Variants in FMN1 observed in about 807,000 individuals in gnomAD.
FMN1 encodes the protein formin 1, also known as formin-1.
A neutral mutation model predicts 132.4 loss-of-function variants in FMN1; 110 were observed. The observed-to-expected ratio is 0.83, with a 90% CI of 0.71 to 0.97. The LOEUF is 0.97. Among genes scored for constraint, FMN1 ranks in the 50% least tolerant of loss-of-function variants. The probability of loss-of-function intolerance (pLI) is 0.00; values close to 1 mark genes in which losing one functional copy is unlikely to be tolerated. For synonymous variants in FMN1, 722 were observed against 651.7 expected (o/e 1.11, Z -1.64); for missense variants, 1,792 against 1,705.3 (o/e 1.05, Z -0.90).
At chr15:32,975,960 G>A (rs2032168994) in intron 7 of FMN1, among the ~76,000 whole-genome samples, 1 of 152,092 alleles carries the variant, frequency 6.6e-6, no homozygotes, top group Non-Finnish European at 1.5e-5. Flanking sequence ...AGCAACAGAG[G>A]AGACTTTTGC....
intron 6 of FMN1, among the ~76,000 whole-genome samples, chr15:33,041,720 A>T (rs1019884002): frequency 1.3e-5 from 2 of 152,146 alleles, no homozygotes; most frequent in Non-Finnish European, 2.9e-5. Flanking sequence ...AGTGTTGTCA[A>T]GGATATGAAA....
chr15:33,089,061 C>G, intron 4 of FMN1, 87 bp from the exon 5 acceptor site: 2 of 1,017,980 alleles, frequency 2.0e-6, no homozygotes, highest in South Asian at 1.8e-5. Flanking sequence ...CCTACATAGA[C>G]TTCTCTATGC....
chr15:32,981,229 C>A (rs554109452), intron 7 of FMN1, among the ~76,000 whole-genome samples: 1 of 151,994 alleles, frequency 6.6e-6, no homozygotes, highest in East Asian at 1.9e-4. Flanking sequence ...CGGTGGCTCA[C>A]GCCTGTAATC....
At chr15:32,869,149 G>C (rs2059458535) in intron 16 of FMN1, among the ~76,000 whole-genome samples, 1 of 152,212 alleles carries the variant, frequency 6.6e-6, no homozygotes, top group Non-Finnish European at 1.5e-5. Context: ...CCATTTGAAT[G>C]AGTTAAGTGG....
At chr15:33,060,748 G>A (rs568706479) in intron 6 of FMN1, among the ~76,000 whole-genome samples, 83 of 152,340 alleles carry the variant, frequency 5.4e-4, no homozygotes, top group Admixed American at 1.4e-3. Flanking sequence ...GATGCACATT[G>A]AGAGAGAAAC....
chr15:33,021,252 C>T (rs994649088), intron 6 of FMN1, among the ~76,000 whole-genome samples: 2 of 151,838 alleles, frequency 1.3e-5, no homozygotes, highest in African/African-American at 4.8e-5. Context: ...GACCTTTACA[C>T]CTATGCTAAC....
chr15:33,028,547 A>G (rs1472047602), intron 6 of FMN1, among the ~76,000 whole-genome samples: 5 of 152,064 alleles, frequency 3.3e-5, no homozygotes, highest in Non-Finnish European at 7.4e-5. Flanking sequence ...ATAAATAAAT[A>G]AATAAAAATT....
intron 16 of FMN1, among the ~76,000 whole-genome samples, chr15:32,873,935 C>T (rs1367389792): frequency 1.3e-5 from 2 of 151,810 alleles, no homozygotes; most frequent in Admixed American, 6.6e-5. Context: ...TTCAATTATT[C>T]CTAGATTAGC....
intron 6 of FMN1, among the ~76,000 whole-genome samples, chr15:33,040,485 T>G (rs1328472473): frequency 6.6e-6 from 1 of 152,210 alleles, no homozygotes; most frequent in Admixed American, 6.5e-5. Context: ...CAGAACCTAG[T>G]AGATGCTTAG....
intron 7 of FMN1, among the ~76,000 whole-genome samples, chr15:33,002,522 T>A (rs969557154): frequency 6.6e-6 from 1 of 152,170 alleles, no homozygotes; most frequent in Admixed American, 6.5e-5. Flanking sequence ...ACCAGTTGTC[T>A]CATTTTATTT....
At chr15:33,033,164 G>A (rs1055795965) in intron 6 of FMN1, among the ~76,000 whole-genome samples, 6 of 152,056 alleles carry the variant, frequency 3.9e-5, no homozygotes, top group African/African-American at 1.4e-4. Context: ...CCGAGTAGCT[G>A]GGACTACAGG....
intron 10 of FMN1, among the ~76,000 whole-genome samples, chr15:32,913,081 G>A (rs993816940): frequency 1.3e-5 from 2 of 152,142 alleles, no homozygotes; most frequent in African/African-American, 4.8e-5. Flanking sequence ...CAACCTTCCC[G>A]AATTCTTAGG....
chr15:32,800,584 T>C (rs975574894), intron 18 of FMN1, among the ~76,000 whole-genome samples: 1 of 152,326 alleles, frequency 6.6e-6, no homozygotes, highest in East Asian at 1.9e-4. Context: ...GAACAGGCCA[T>C]TCATTTCCTA....
At chr15:32,817,423 G>A (rs978616617) in intron 17 of FMN1, among the ~76,000 whole-genome samples, 1 of 152,132 alleles carries the variant, frequency 6.6e-6, no homozygotes, top group East Asian at 1.9e-4. Flanking sequence ...CTTGGTCAAG[G>A]GTTTGTCATA....
chr15:33,048,644 A>AAACAAACAAAAAACAAAAAC (rs1555388954), intron 6 of FMN1, among the ~76,000 whole-genome samples: 1 of 86,920 alleles, frequency 1.2e-5, no homozygotes, highest in Non-Finnish European at 2.4e-5. Context: ...AAAAAAAAAA[A>AAACAAACAAAAAACAAAAAC]AAAAACCAAC....
rs182637707 is a variant in FMN1, at chr15:32,917,472, C to T, written c.3227-6937G>A. 1.6e-3 allele frequency among the ~76,000 whole-genome samples: 238 copies of T among 152,316 alleles called. 1 individual carries two copies. The highest frequency in any genetic ancestry group is 6.7e-3 in the Admixed American group (103 of 15,304). ...TCCACCACAGGGTGAGGACAGCAGG[C>T]AGACTTTATTGGGGATTAATACTTA... On this transcript the variant is annotated intron_variant, in intron 10 of 20. Transcript: ENST00000616417.
intron 16 of FMN1, among the ~76,000 whole-genome samples, chr15:32,870,619 C>G (rs935982959): frequency 6.6e-6 from 1 of 152,184 alleles, no homozygotes; most frequent in Non-Finnish European, 1.5e-5. Context: ...AACGTCACAG[C>G]TGAGTCAGAA....
chr15:33,118,643 T>TA (rs2140160843), intron 4 of FMN1, among the ~76,000 whole-genome samples: 1 of 152,266 alleles, frequency 6.6e-6, no homozygotes, highest in South Asian at 2.1e-4. Flanking sequence ...TCTCACATCC[T>TA]AATAATGCTC....
chr15:33,038,210 A>G (rs1249880496), intron 6 of FMN1, among the ~76,000 whole-genome samples: 1 of 152,274 alleles, frequency 6.6e-6, no homozygotes, highest in African/African-American at 2.4e-5. Context: ...CCTGGGCGAC[A>G]GAGTGAGACT....
Sources: allele counts gnomAD v4.1 joint callset (sites outside exome capture counted in the v4.1 genomes callset), GRCh38; gene constraint gnomAD v4.1.1; transcripts MANE v1.5; gene names NCBI Gene and HGNC (gene_info 2026-07-23, HGNC 2026-07-21).